Variants in REEP3 observed in about 807,000 individuals in gnomAD.
REEP3 encodes the protein receptor expression-enhancing protein 3.
A neutral mutation model predicts 41.3 loss-of-function variants in REEP3; 20 were observed. The observed-to-expected ratio is 0.48, with a 90% CI of 0.34 to 0.70. The LOEUF (loss-of-function observed/expected upper bound fraction) is 0.70, where lower values mean the gene tolerates loss of function less well. Among genes scored for constraint, REEP3 ranks in the 30% least tolerant of loss-of-function variants. REEP3 has a pLI of 0.01. For synonymous variants in REEP3, 104 were observed against 101.8 expected (o/e 1.02, Z -0.13); for missense variants, 271 against 308.8 (o/e 0.88, Z 0.92).
intron 1 of REEP3, among the ~76,000 whole-genome samples, chr10:63,558,133 C>A (rs1955706576): frequency 1.3e-5 from 2 of 152,080 alleles, no homozygotes; most frequent in South Asian, 2.1e-4. Flanking sequence ...GACTTTCCCC[C>A]CAAAGGAGAC....
At chr10:63,541,131 C>G (rs1228491558) in intron 1 of REEP3, among the ~76,000 whole-genome samples, 1 of 152,086 alleles carries the variant, frequency 6.6e-6, no homozygotes, top group Admixed American at 6.5e-5. Context: ...ACTTTTTAAA[C>G]AAATAAAATA....
At chr10:63,601,359 T>C (rs1194007704) in intron 5 of REEP3, among the ~76,000 whole-genome samples, 2 of 152,146 alleles carry the variant, frequency 1.3e-5, no homozygotes, top group Non-Finnish European at 2.9e-5. Context: ...AGTCACAAGA[T>C]TTACCTACTG....
At chr10:63,618,057 C>G (rs1289286046) in intron 6 of REEP3, among the ~76,000 whole-genome samples, 1 of 151,604 alleles carries the variant, frequency 6.6e-6, no homozygotes, top group Non-Finnish European at 1.5e-5. Flanking sequence ...AACTCCTGAC[C>G]TCAGGTGATC....
intron 5 of REEP3, among the ~76,000 whole-genome samples, chr10:63,600,941 G>A (rs1024439807): frequency 7.2e-5 from 11 of 151,952 alleles, no homozygotes; most frequent in African/African-American, 2.7e-4. Context: ...ATCACTTAAG[G>A]TCAGGAATTC....
rs1956371755 is a variant in REEP3, at chr10:63,623,649, T to C, written c.*2780T>C. On this transcript the variant is annotated 3_prime_UTR_variant, in exon 8 of 8. Transcript: ENST00000373758. ...CCATTCGTTAGTTTACCATATTTTT[T>C]CCTGGTATAAAAAGGAGCCAGAAAT... 1 of 152,372 alleles carries C rather than the reference T, an allele frequency of 6.6e-6. No homozygotes were observed. The highest frequency in any genetic ancestry group is 6.5e-5 in the Admixed American group (1 of 15,276). The allele number at this position is 152,372 out of a possible 1,614,324, so 9.4% of individuals were successfully genotyped here.
intron 4 of REEP3, 44 bp downstream of exon 4, chr10:63,598,188 C>G (rs765354412): frequency 1.4e-6 from 2 of 1,423,368 alleles, no homozygotes; most frequent in East Asian, 2.6e-5. Flanking sequence ...TTTAGAAATG[C>G]CTAAGCGGAG....
At chr10:63,559,874 A>G (rs1317408006) in intron 1 of REEP3, among the ~76,000 whole-genome samples, 1 of 152,164 alleles carries the variant, frequency 6.6e-6, no homozygotes, top group Non-Finnish European at 1.5e-5. Context: ...AATGATTTTC[A>G]TTTATATAAG....
chr10:63,534,543 A>G (rs1046775590), intron 1 of REEP3, among the ~76,000 whole-genome samples: 2 of 152,144 alleles, frequency 1.3e-5, no homozygotes, highest in African/African-American at 4.8e-5. Context: ...AGCCACTACA[A>G]CCAGTTTTGA....
At chr10:63,605,927 C>A (rs550569186) in intron 5 of REEP3, among the ~76,000 whole-genome samples, 1 of 152,170 alleles carries the variant, frequency 6.6e-6, no homozygotes, top group Non-Finnish European at 1.5e-5. Context: ...CAGTTTCTTA[C>A]AGAGGCATTT....
intron 3 of REEP3, 122 bp downstream of exon 3, chr10:63,594,976 T>C (rs892402964): frequency 2.9e-6 from 2 of 697,162 alleles, no homozygotes; most frequent in Non-Finnish European, 5.1e-6. Context: ...TCCACCCATT[T>C]GTTTTTGTCA....
intron 2 of REEP3, among the ~76,000 whole-genome samples, chr10:63,590,725 A>C (rs141622686): frequency 6.6e-6 from 1 of 152,328 alleles, no homozygotes; most frequent in East Asian, 1.9e-4. Context: ...ACTTTTAAGG[A>C]AATATTGGGT....
chr10:63,592,572 C>T (rs1454324975), intron 2 of REEP3, among the ~76,000 whole-genome samples: 1 of 152,118 alleles, frequency 6.6e-6, no homozygotes, highest in East Asian at 1.9e-4. Flanking sequence ...AGGAGGGAGG[C>T]CTATAGTCAG....
chr10:63,543,410 C>T (rs117821325), intron 1 of REEP3, among the ~76,000 whole-genome samples: 2,331 of 151,910 alleles, frequency 0.015, 26 homozygotes, highest in Middle Eastern at 0.072. Context: ...ATCCTTCTGA[C>T]TCAAACTGCC....
rs117794256 is a variant in REEP3 at position 63,590,119 on chromosome 10, C to T, written c.106-4659C>T. ...CCAGAACATCTTTTTAAATTAGGGA[C>T]GGGATCTCATTATATTGCCCAGGCT... On this transcript the variant is annotated intron_variant, in intron 2 of 7. Transcript: ENST00000373758. 1.6e-3 allele frequency among the ~76,000 whole-genome samples: 251 copies of T among 152,162 alleles called. 2 individuals are homozygous for T. Among genetic ancestry groups the T allele is most frequent in the Non-Finnish European group, 2.0e-3 (133 of 67,976 alleles).
chr10:63,530,705 AC>A (rs1376168880), intron 1 of REEP3, among the ~76,000 whole-genome samples: 1 of 152,124 alleles, frequency 6.6e-6, no homozygotes, highest in Non-Finnish European at 1.5e-5. Context: ...TATATTTTAA[AC>A]CCTTTTAGGA....
intron 5 of REEP3, among the ~76,000 whole-genome samples, chr10:63,604,180 C>T (rs549780866): frequency 2.0e-5 from 3 of 152,316 alleles, no homozygotes; most frequent in East Asian, 3.9e-4. Context: ...ACATTTATTA[C>T]ACCGTAAAGC....
intron 1 of REEP3, among the ~76,000 whole-genome samples, chr10:63,551,652 A>T (rs561852913): frequency 1.1e-4 from 16 of 152,264 alleles, no homozygotes; most frequent in Non-Finnish European, 1.6e-4. Context: ...GGGACATTCT[A>T]AAAAATACTT....
chr10:63,570,380 C>G lies in REEP3; in HGVS notation c.105+3970C>G, dbSNP rs544645083. ...TTTGCACAGTTGTTTTCAGAGAATA[C>G]TCATTAATAAAGCTGGAATTATCTG... On this transcript the variant is annotated intron_variant, in intron 2 of 7. Transcript: ENST00000373758. 2.6e-5 allele frequency among the ~76,000 whole-genome samples: 4 copies of G among 152,262 alleles called. No homozygotes were observed. The South Asian group carries it at 8.3e-4, about 32-fold the overall frequency.
At chr10:63,569,897 C>T (rs1564481298) in intron 2 of REEP3, among the ~76,000 whole-genome samples, 1 of 151,976 alleles carries the variant, frequency 6.6e-6, no homozygotes, top group Admixed American at 6.6e-5. Flanking sequence ...GACATGATCC[C>T]GCCACTGCAC....
Sources: allele counts gnomAD v4.1 joint callset (sites outside exome capture counted in the v4.1 genomes callset), GRCh38; gene constraint gnomAD v4.1.1; transcripts MANE v1.5; gene names NCBI Gene and HGNC (gene_info 2026-07-23, HGNC 2026-07-21).